Variants in ZMYM4 observed in about 807,000 individuals in gnomAD.
The protein encoded by ZMYM4 is zinc finger MYM-type protein 4.
ZMYM4 carries 31 observed loss-of-function variants against 183.2 expected under a neutral mutation model. That is an observed-to-expected ratio of 0.17 (90% CI 0.13 to 0.23). The LOEUF is 0.23. Among genes scored for constraint, ZMYM4 ranks in the 10% least tolerant of loss-of-function variants. ZMYM4 has a pLI of 1.00. For synonymous variants in ZMYM4, 592 were observed against 631.2 expected, an observed-to-expected ratio of 0.94 and a Z score of 0.93; for missense variants, 1,273 against 1,840.3, an observed-to-expected ratio of 0.69 and a Z score of 5.64.
chr1:35,349,830 T>TAAA (rs80243856), intron 2 of ZMYM4, among the ~76,000 whole-genome samples: 1 of 128,476 alleles, frequency 7.8e-6, no homozygotes, highest in Non-Finnish European at 1.7e-5. Flanking sequence ...ACTCTGTCTT[T>TAAA]AAAAAAAAAA....
intron 1 of ZMYM4, among the ~76,000 whole-genome samples, chr1:35,302,378 CTTTTTTTTTTT>C (rs1179477732): frequency 3.5e-5 from 3 of 86,164 alleles, no homozygotes; most frequent in Non-Finnish European, 4.5e-5. Context: ...GCTAATTTGA[CTTTTTTTTTTT>C]TTTTTTTTTT....
intron 26 of ZMYM4, 60 bp from the exon 27 acceptor site, chr1:35,413,912 T>C (rs1640009357): frequency 9.8e-7 from 1 of 1,021,382 alleles, no homozygotes; most frequent in South Asian, 1.6e-5. Flanking sequence ...TACAATAATT[T>C]TTTAAGAACT....
Position 35,405,375 on chromosome 1 carries a change from G to A in ZMYM4, c.3703G>A (p.Val1235Ile). 1.9e-6 allele frequency: 3 copies of A among 1,604,076 alleles called. No individual in the cohort carries two copies. Among genetic ancestry groups the A allele is most frequent in the Non-Finnish European group, 2.5e-6 (3 of 1,177,650 alleles). Residue 1235 changes from valine to isoleucine, a missense_variant and splice_region_variant, in exon 25 of 30, where the codon GTT becomes ATT. Val to Ile is a conservative substitution (Grantham distance 29). Around this residue, in one of 6 missense-constraint regions of ZMYM4, gnomAD observed 133 missense variants for 155.7 expected, o/e 0.85. Transcript: ENST00000314607. Reference sequence around the variant, plus strand: ...TTTTATGTTTCTCTCCTTGTCAGGGGTTGAACAGGCCTCATCTAGCCCACG... The same window carrying A: ...TTTTATGTTTCTCTCCTTGTCAGGGATTGAACAGGCCTCATCTAGCCCACG... The part of the protein sequence containing the change: ...EEQGDLKCGG[V>I]EQASSSPRSD...
At chr1:35,416,081 A>T (rs1640103365) in intron 28 of ZMYM4, among the ~76,000 whole-genome samples, 1 of 152,200 alleles carries the variant, frequency 6.6e-6, no homozygotes, top group South Asian at 2.1e-4. Flanking sequence ...CTTTTAGTCC[A>T]TTGTTTCTAA....
intron 2 of ZMYM4, among the ~76,000 whole-genome samples, chr1:35,355,866 G>A (rs1643802264): frequency 6.6e-6 from 1 of 152,092 alleles, no homozygotes; most frequent in South Asian, 2.1e-4. Flanking sequence ...ATTTTTTGAT[G>A]TGAGTTAGGG....
chr1:35,390,079 G>C lies in ZMYM4; in HGVS notation c.2568G>C (p.Pro856=). 6.2e-7 allele frequency: 1 copy of C among 1,613,044 alleles called. No homozygotes were observed. Residue 856 remains proline (P), a synonymous_variant, in exon 15 of 30, where the codon CCG becomes CCC. Coordinates refer to ENST00000314607, the MANE Select transcript of ZMYM4 (RefSeq NM_005095.3). The stretch of plus-strand genomic sequence containing the variant: ...GTAATCAGCAAAGTGTATGTGACCC[G>C]CCTTCACAAAATAATGCAGGTAAAA... ...MFCNQQSVCD[P]PSQNNAANIS... is the part of the protein sequence containing the mutation.
chr1:35,308,056 A>G (rs954421921), intron 1 of ZMYM4, among the ~76,000 whole-genome samples: 1 of 151,924 alleles, frequency 6.6e-6, no homozygotes, highest in Non-Finnish European at 1.5e-5. Context: ...CAGTGGCTCA[A>G]TCTTGGCTCA....
At chr1:35,333,213 C>T (rs1642829616) in intron 2 of ZMYM4, among the ~76,000 whole-genome samples, 1 of 151,326 alleles carries the variant, frequency 6.6e-6, no homozygotes. Context: ...TAACTATTTC[C>T]AGTAATACAT....
At chr1:35,392,054 A>C (rs576828947) in intron 15 of ZMYM4, among the ~76,000 whole-genome samples, 158 bp from the exon 16 acceptor site, 1 of 152,294 alleles carries the variant, frequency 6.6e-6, no homozygotes, top group South Asian at 2.1e-4. Flanking sequence ...AAGAAAAAAA[A>C]AAAGAAGAAA....
chr1:35,354,287 T>C lies in ZMYM4; in HGVS notation c.86-4638T>C, dbSNP rs530976617. Among the ~76,000 whole-genome samples, 9 of 152,358 alleles carry C rather than the reference T, an allele frequency of 5.9e-5. No individual in the cohort carries two copies. In the East Asian group the frequency reaches 1.2e-3, roughly 20 times the overall value. ...AAGCTGCCTCATTCTCTTTAACAGC[T>C]ATATAATATTCCATTAGAGGTATGT... On this transcript the variant is annotated intron_variant, in intron 2 of 29. Transcript: ENST00000314607.
chr1:35,394,162 C>CTTTT (rs34277367), intron 18 of ZMYM4, among the ~76,000 whole-genome samples: 1,333 of 68,532 alleles, frequency 0.019, 16 homozygotes, highest in Middle Eastern at 0.033. Flanking sequence ...TCAGAGCTTT[C>CTTTT]TTTTTTTTTT....
chr1:35,413,153 C>G (rs1274295829), intron 26 of ZMYM4, among the ~76,000 whole-genome samples: 1 of 151,872 alleles, frequency 6.6e-6, no homozygotes, highest in African/African-American at 2.4e-5. Flanking sequence ...AACAACCCTC[C>G]TGCCTCAGAC....
intron 21 of ZMYM4, 42 bp from the exon 22 acceptor site, chr1:35,398,822 C>A: frequency 6.3e-7 from 1 of 1,595,178 alleles, no homozygotes; most frequent in Non-Finnish European, 8.6e-7. Flanking sequence ...CAAGATGAGG[C>A]TATTTTATTT....
chr1:35,394,534 G>T (rs1386141989), intron 18 of ZMYM4, among the ~76,000 whole-genome samples: 1 of 152,066 alleles, frequency 6.6e-6, no homozygotes, highest in Non-Finnish European at 1.5e-5. Context: ...GAGCTGAGTG[G>T]AGAGAAGCCC....
rs753206556 is a variant in ZMYM4 at position 35,370,593 on chromosome 1, C to T, written c.1147C>T (p.Pro383Ser). The change falls in exon 7 of 30, where the codon CCT becomes TCT. Residue 383 changes from proline (P) to serine (S), a missense_variant. Coordinates refer to ENST00000314607, the MANE Select transcript of ZMYM4 (RefSeq NM_005095.3). ...YTVPPARPPP[P>S]LTKKTCSSCS... Reference sequence around the variant, plus strand: ...AGTTCCACCTGCCCGCCCACCGCCTCCTCTCACCAAGAAAACTTGTTCAAG... The same window carrying T: ...AGTTCCACCTGCCCGCCCACCGCCTTCTCTCACCAAGAAAACTTGTTCAAG... The T allele has an allele frequency of 4.3e-6, 7 of 1,610,708 alleles. No individual in the cohort carries two copies. In the Admixed American group the frequency reaches 6.7e-5, roughly 15 times the overall value.
chr1:35,368,099 T>C (rs1156639692), intron 5 of ZMYM4, among the ~76,000 whole-genome samples: 4 of 114,300 alleles, frequency 3.5e-5, no homozygotes, highest in Non-Finnish European at 6.6e-5. Flanking sequence ...TTCCACCCAC[T>C]GCTTTCATAA....
chr1:35,317,542 A>C lies in ZMYM4; in HGVS notation c.40-7818A>C, dbSNP rs187190572. ...GCTAGCATTCAGGCTGAATCATTGAAGTTAGTTGTTGCACTGAAAGAAAAC... is the reference window on the plus strand; with the variant it reads ...GCTAGCATTCAGGCTGAATCATTGACGTTAGTTGTTGCACTGAAAGAAAAC... On this transcript the variant is annotated intron_variant, in intron 1 of 29. Coordinates refer to ENST00000314607, the MANE Select transcript of ZMYM4 (RefSeq NM_005095.3). 3.9e-3 allele frequency among the ~76,000 whole-genome samples: 596 copies of C among 152,354 alleles called. 3 individuals carry two copies. Among genetic ancestry groups the C allele is most frequent in the Non-Finnish European group, 4.8e-3 (327 of 68,032 alleles).
chr1:35,351,566 G>T (rs561411196), intron 2 of ZMYM4: 99 of 937,840 alleles, frequency 1.1e-4, no homozygotes, highest in Non-Finnish European at 6.5e-5. Context: ...TCAAAAGAAG[G>T]CAAACTCCCT....
At position 35,385,459 on chromosome 1, in the gene ZMYM4, A is replaced by G; in HGVS notation, c.1587A>G (p.Thr529=). The change falls in exon 10 of 30, where the codon ACA becomes ACG. Residue 529 remains threonine (T), a synonymous_variant. Coordinates refer to ENST00000314607, the MANE Select transcript of ZMYM4 (RefSeq NM_005095.3). ...CTTAATAGAAATCAGCCAAAATTAC[A>G]CCGTGTGCGCTTTGCAAATCATTGA... ...TAYKQKSAKI[T]PCALCKSLRS... is the part of the protein sequence containing the mutation. 2 of 1,605,910 alleles carry G rather than the reference A, an allele frequency of 1.2e-6. No individual in the cohort carries two copies. The highest frequency in any genetic ancestry group is 1.7e-6 in the Non-Finnish European group (2 of 1,178,058).
Sources: allele counts gnomAD v4.1 joint callset (sites outside exome capture counted in the v4.1 genomes callset), GRCh38; gene constraint gnomAD v4.1.1; regional missense constraint gnomAD v4.1.1; transcripts MANE v1.5; gene names NCBI Gene and HGNC (gene_info 2026-07-23, HGNC 2026-07-21).